TF: variants seen among roughly 807,000 people sequenced by gnomAD.
TF encodes transferrin.
In TF, 55 loss-of-function variants were observed where a neutral mutation model predicts 82.4. The ratio of observed to expected loss-of-function variants is 0.67; its 90% CI spans 0.54 to 0.84. The LOEUF (loss-of-function observed/expected upper bound fraction) is 0.84, where lower values mean the gene tolerates loss of function less well. TF is among the 40% of genes least tolerant of loss of function. The pLI, the probability that TF is intolerant of heterozygous loss-of-function variation, is 0.00. For synonymous variants in TF, 332 were observed against 332.6 expected (o/e 1.00, Z 0.02); for missense variants, 737 against 868.4 (o/e 0.85, Z 1.90).
At chr3:133,771,813 A>G (rs903590305) in intron 14 of TF, among the ~76,000 whole-genome samples, 44 of 151,824 alleles carry the variant, frequency 2.9e-4, no homozygotes, top group Non-Finnish European at 4.6e-4. Context: ...CAGCCATAAT[A>G]TTAATAAAAA....
the TF span, among the ~76,000 whole-genome samples, chr3:133,675,903 A>G: frequency 1.3e-5 from 2 of 152,140 alleles, no homozygotes; most frequent in Non-Finnish European, 1.5e-5. Flanking sequence ...TTAGCCCGTG[A>G]CAGAATAAGT....
upstream of TF, among the ~76,000 whole-genome samples, chr3:133,741,501 C>T (rs922795847): frequency 3.9e-5 from 6 of 152,140 alleles, no homozygotes; most frequent in African/African-American, 1.4e-4. Context: ...TATTACTGAT[C>T]TCAACAGAAA....
At chr3:133,707,016 T>C in the TF span, among the ~76,000 whole-genome samples, 1 of 152,212 alleles carries the variant, frequency 6.6e-6, no homozygotes, top group Non-Finnish European at 1.5e-5. Context: ...TGATCATTTA[T>C]AGTCAGAAAC....
At chr3:133,740,035 T>C in the TF span, among the ~76,000 whole-genome samples, 1 of 152,224 alleles carries the variant, frequency 6.6e-6, no homozygotes, top group Non-Finnish European at 1.5e-5. Context: ...CAAGCACATG[T>C]ATGTTTATTG....
the TF span, among the ~76,000 whole-genome samples, chr3:133,689,928 A>G: frequency 6.6e-6 from 1 of 151,946 alleles, no homozygotes; most frequent in Non-Finnish European, 1.5e-5. Flanking sequence ...TAGTGTTTTG[A>G]TACATGTATA....
chr3:133,717,128 A>G, the TF span, among the ~76,000 whole-genome samples: 2 of 152,132 alleles, frequency 1.3e-5, no homozygotes, highest in African/African-American at 2.4e-5. Context: ...AGCTTGCTAT[A>G]TATTTTCTCT....
At chr3:133,754,821 T>C in intron 4 of TF, 150 bp downstream of exon 4, 1 of 903,378 alleles carries the variant, frequency 1.1e-6, no homozygotes, top group Non-Finnish European at 1.8e-6. Context: ...GCAGGTCTGC[T>C]GCACCAGCAG....
Position 133,775,460 on chromosome 3 carries a change from A to G in TF, c.1715A>G (p.Asn572Ser). ...GGKNPDPWAK[N>S]LNEKDYELLC... ...AAAAACCCTGATCCATGGGCTAAGA[A>G]TCTGAATGAAAAAGACTATGAGTTG... The change falls in exon 15 of 17, where the codon AAT becomes AGT. Residue 572 changes from asparagine to serine, a missense_variant. Physicochemically the swap from Asn to Ser is conservative, Grantham distance 46. Transcript: ENST00000402696. The G allele has an allele frequency of 6.2e-7, 1 of 1,614,200 alleles. No homozygotes were observed. Among genetic ancestry groups the G allele is most frequent in the Non-Finnish European group, 8.5e-7 (1 of 1,180,038 alleles).
chr3:133,666,837 C>T, the TF span, among the ~76,000 whole-genome samples: 5 of 151,616 alleles, frequency 3.3e-5, no homozygotes, highest in African/African-American at 1.2e-4. Context: ...AAGATCGAGA[C>T]CATCCTGGCT....
the TF span, among the ~76,000 whole-genome samples, chr3:133,726,707 ATG>A: frequency 1.3e-5 from 2 of 151,740 alleles, no homozygotes; most frequent in African/African-American, 4.8e-5. Context: ...TAGCTTTTGA[ATG>A]TGTTTGCTCT....
the TF span, among the ~76,000 whole-genome samples, chr3:133,682,783 T>G: frequency 6.6e-6 from 1 of 152,164 alleles, no homozygotes; most frequent in Non-Finnish European, 1.5e-5. Context: ...AAAACACTCT[T>G]CAGGATATTA....
At chr3:133,673,774 A>G in the TF span, among the ~76,000 whole-genome samples, 2 of 152,184 alleles carry the variant, frequency 1.3e-5, no homozygotes, top group African/African-American at 4.8e-5. Context: ...TGTTCATTTG[A>G]TGATAATTAA....
At chr3:133,776,997 C>T (rs1934409897) in intron 15 of TF, 52 bp from the exon 16 acceptor site, 1 of 1,534,452 alleles carries the variant, frequency 6.5e-7, no homozygotes, top group Non-Finnish European at 9.0e-7. Flanking sequence ...TCCATGTGTT[C>T]CCAGCTGCTA....
chr3:133,772,437 A>G (rs1175831042), intron 14 of TF, among the ~76,000 whole-genome samples: 1 of 152,202 alleles, frequency 6.6e-6, no homozygotes, highest in African/African-American at 2.4e-5. Context: ...TCCAATCTCA[A>G]TTCCATTCCA....
the TF span, among the ~76,000 whole-genome samples, chr3:133,687,595 C>T: frequency 1.3e-5 from 2 of 152,188 alleles, no homozygotes; most frequent in African/African-American, 4.8e-5. Context: ...TCGTCACCCC[C>T]TACCACATGG....
At chr3:133,740,363 T>G in the TF span, among the ~76,000 whole-genome samples, 1 of 152,078 alleles carries the variant, frequency 6.6e-6, no homozygotes, top group African/African-American at 2.4e-5. Flanking sequence ...GGGATAGCAT[T>G]AGGAGAAATA....
At chr3:133,748,186 C>G (rs1032706321) in intron 1 of TF, 24 of 598,658 alleles carry the variant, frequency 4.0e-5, no homozygotes, top group African/African-American at 2.6e-4. Flanking sequence ...CTGCACCCCT[C>G]TGGCCAGCAG....
the TF span, among the ~76,000 whole-genome samples, chr3:133,732,816 TC>T: frequency 1.5e-5 from 2 of 129,186 alleles, no homozygotes; most frequent in South Asian, 5.7e-4. Context: ...ACCCACCAAT[TC>T]CGGACACATT....
chr3:133,707,803 G>C, the TF span: 2 of 152,156 alleles, frequency 1.3e-5, no homozygotes, highest in Admixed American at 1.3e-4. Flanking sequence ...CAGTTATATA[G>C]TATTGGCACT....
Sources: allele counts gnomAD v4.1 joint callset (sites outside exome capture counted in the v4.1 genomes callset), GRCh38; gene constraint gnomAD v4.1.1; transcripts MANE v1.5; gene names NCBI Gene and HGNC (gene_info 2026-07-23, HGNC 2026-07-21).